The following LYPD6 variants were observed in gnomAD, a reference collection of about 807,000 sequenced individuals.
LYPD6 encodes ly6/PLAUR domain-containing protein 6.
In LYPD6, 15 loss-of-function variants were observed where a neutral mutation model predicts 22.7. The observed-to-expected ratio is 0.66, with a 90% CI of 0.44 to 1.02. The LOEUF is 1.02. Among genes scored for constraint, LYPD6 ranks in the 50% least tolerant of loss-of-function variants. The probability of loss-of-function intolerance (pLI) is 0.00; values close to 1 mark genes in which losing one functional copy is unlikely to be tolerated. For missense variants in LYPD6, 189 were observed against 208.4 expected, an observed-to-expected ratio of 0.91 and a Z score of 0.57; for synonymous variants, 72 against 77.5, an observed-to-expected ratio of 0.93 and a Z score of 0.37.
intron 3 of LYPD6, among the ~76,000 whole-genome samples, chr2:149,454,324 A>G (rs977469650): frequency 2.6e-5 from 4 of 152,194 alleles, no homozygotes; most frequent in African/African-American, 9.7e-5. Context: ...CCCAAAGGTA[A>G]CAATGTTGAG....
intron 2 of LYPD6, among the ~76,000 whole-genome samples, chr2:149,441,547 A>T (rs1399856535): frequency 6.6e-6 from 1 of 152,216 alleles, no homozygotes; most frequent in East Asian, 1.9e-4. Flanking sequence ...AAGTTTCTGA[A>T]CATTTAAAAG....
At chr2:149,448,505 C>T (rs1427530649) in intron 2 of LYPD6, among the ~76,000 whole-genome samples, 1 of 152,134 alleles carries the variant, frequency 6.6e-6, no homozygotes, top group East Asian at 1.9e-4. Flanking sequence ...AAGGGTTCCT[C>T]CTACTGGCCT....
chr2:149,396,030 A>T (rs1337949161), intron 1 of LYPD6, among the ~76,000 whole-genome samples: 1 of 152,164 alleles, frequency 6.6e-6, no homozygotes, highest in Admixed American at 6.5e-5. Context: ...TAGAATTTTA[A>T]CGAATATTTA....
At chr2:149,358,543 G>A (rs546425987) in intron 1 of LYPD6, among the ~76,000 whole-genome samples, 1 of 152,276 alleles carries the variant, frequency 6.6e-6, no homozygotes, top group East Asian at 1.9e-4. Context: ...AGCGGCATGG[G>A]CAATTGGGGG....
At chr2:149,451,878 T>G (rs1389842726) in intron 3 of LYPD6, among the ~76,000 whole-genome samples, 2 of 152,042 alleles carry the variant, frequency 1.3e-5, no homozygotes, top group Non-Finnish European at 2.9e-5. Flanking sequence ...GAGCAGGCGG[T>G]TTAGTTGGGC....
intron 1 of LYPD6, among the ~76,000 whole-genome samples, chr2:149,331,702 C>T (rs994124800): frequency 6.6e-6 from 1 of 152,126 alleles, no homozygotes; most frequent in Non-Finnish European, 1.5e-5. Flanking sequence ...CAGCATTGAC[C>T]TCCCAGAGCA....
At chr2:149,348,739 G>T (rs1003751668) in intron 1 of LYPD6, among the ~76,000 whole-genome samples, 7 of 152,210 alleles carry the variant, frequency 4.6e-5, no homozygotes, top group Non-Finnish European at 8.8e-5. Context: ...ATTCTGCACT[G>T]AGGAATGACC....
chr2:149,433,891 C>A (rs1002121782), intron 1 of LYPD6, among the ~76,000 whole-genome samples: 1 of 152,120 alleles, frequency 6.6e-6, no homozygotes, highest in Non-Finnish European at 1.5e-5. Context: ...TTTAATATAT[C>A]ATTAGCATTA....
intron 1 of LYPD6, among the ~76,000 whole-genome samples, chr2:149,363,356 G>A (rs1411831941): frequency 6.6e-6 from 1 of 152,036 alleles, no homozygotes; most frequent in East Asian, 1.9e-4. Context: ...ATCCCTATTT[G>A]GCAGATGAGA....
chr2:149,441,802 T>C (rs974499947), intron 2 of LYPD6, among the ~76,000 whole-genome samples: 5 of 152,218 alleles, frequency 3.3e-5, no homozygotes, highest in Non-Finnish European at 5.9e-5. Flanking sequence ...TTTAATATAC[T>C]AAGTGGCTGC....
At chr2:149,398,854 C>G (rs897467204) in intron 1 of LYPD6, among the ~76,000 whole-genome samples, 1 of 151,886 alleles carries the variant, frequency 6.6e-6, no homozygotes, top group African/African-American at 2.4e-5. Context: ...TAAAATAATT[C>G]CATTGCAAAA....
rs1682009299 is a variant in LYPD6 at position 149,379,428 on chromosome 2, T to G, written c.-72+48706T>G. On this transcript the variant is annotated intron_variant, in intron 1 of 4. Transcript: ENST00000334166. ...CGCTTAAATTTTAAGAAAAAAATTTTAAAAGTTTACCAAAGGATGCTCAAT... is the reference window on the plus strand; with the variant it reads ...CGCTTAAATTTTAAGAAAAAAATTTGAAAAGTTTACCAAAGGATGCTCAAT... Among the ~76,000 whole-genome samples the G allele has an allele frequency of 1.3e-5, 2 of 152,246 alleles. 1 individual carries two copies. The highest frequency in any genetic ancestry group is 4.1e-4 in the South Asian group (2 of 4,832).
At chr2:149,485,158 A>C in the LYPD6 span, among the ~76,000 whole-genome samples, 2 of 152,166 alleles carry the variant, frequency 1.3e-5, no homozygotes, top group Non-Finnish European at 2.9e-5. Context: ...GCCAGAGAGG[A>C]ATGAAATGTT....
intron 1 of LYPD6, among the ~76,000 whole-genome samples, chr2:149,332,777 C>G (rs903385991): frequency 2.6e-5 from 4 of 152,216 alleles, no homozygotes; most frequent in Non-Finnish European, 5.9e-5. Context: ...CCCCAAAAGG[C>G]TTTGCTGTCT....
intron 2 of LYPD6, among the ~76,000 whole-genome samples, chr2:149,442,322 C>A (rs574352109): frequency 1.4e-4 from 22 of 152,270 alleles, no homozygotes; most frequent in African/African-American, 5.3e-4. Flanking sequence ...GAAACAAAGA[C>A]TAAATCTTTT....
intron 1 of LYPD6, among the ~76,000 whole-genome samples, chr2:149,421,349 C>T (rs1432354410): frequency 1.4e-5 from 2 of 147,272 alleles, no homozygotes; most frequent in African/African-American, 5.1e-5. Flanking sequence ...GAGATCATAC[C>T]ACTGCACTCC....
intron 2 of LYPD6, among the ~76,000 whole-genome samples, chr2:149,446,582 A>C (rs948343105): frequency 1.3e-5 from 2 of 152,192 alleles, no homozygotes; most frequent in African/African-American, 2.4e-5. Context: ...CCCCCTATTA[A>C]AATTTCCTCA....
intron 1 of LYPD6, among the ~76,000 whole-genome samples, chr2:149,333,717 T>C (rs1423147545): frequency 1.3e-5 from 2 of 152,198 alleles, no homozygotes; most frequent in African/African-American, 2.4e-5. Flanking sequence ...AATGACACAA[T>C]GCATTTAAAA....
chr2:149,380,782 C>T (rs1304606816), intron 1 of LYPD6, among the ~76,000 whole-genome samples: 1 of 152,116 alleles, frequency 6.6e-6, no homozygotes, highest in Non-Finnish European at 1.5e-5. Context: ...TGGATGAGCA[C>T]ACCAAGGTAT....
Sources: gnomAD v4.1 joint callset for allele counts (sites outside exome capture counted in the v4.1 genomes callset) on GRCh38, gnomAD v4.1.1 for gene constraint, MANE v1.5 for transcripts, NCBI Gene and HGNC (gene_info 2026-07-23, HGNC 2026-07-21) for gene names.